NTM: variants seen among roughly 807,000 people sequenced by gnomAD.
NTM encodes neurotrimin, also known as IgLON family member 2.
A neutral mutation model predicts 42.1 loss-of-function variants in NTM; 13 were observed. The observed-to-expected ratio is 0.31, with a 90% CI of 0.20 to 0.49. The LOEUF is 0.49. Ranked by LOEUF, NTM falls within the 20% of genes least tolerant of loss-of-function variation. The pLI is 0.99. For synonymous variants in NTM, 187 were observed against 179.2 expected (o/e 1.04, Z -0.35); for missense variants, 373 against 452.8 (o/e 0.82, Z 1.60).
At chr11:131,572,084 A>G (rs951057949) in intron 1 of NTM, among the ~76,000 whole-genome samples, 5 of 152,206 alleles carry the variant, frequency 3.3e-5, no homozygotes, top group African/African-American at 1.2e-4. Context: ...CATGCACATC[A>G]GGTCAACCCA....
At chr11:131,499,513 A>C (rs2046462322) in intron 1 of NTM, among the ~76,000 whole-genome samples, 1 of 152,168 alleles carries the variant, frequency 6.6e-6, no homozygotes, top group African/African-American at 2.4e-5. Context: ...GCTTCTTTCC[A>C]ATCCACTTTC....
chr11:131,468,337 T>C (rs775468023), intron 1 of NTM, among the ~76,000 whole-genome samples: 2 of 152,208 alleles, frequency 1.3e-5, no homozygotes, highest in African/African-American at 2.4e-5. Context: ...ATGTGAATGG[T>C]TGAGGAATTA....
intron 2 of NTM, among the ~76,000 whole-genome samples, chr11:132,011,657 G>A (rs2072229906): frequency 6.6e-6 from 1 of 152,120 alleles, no homozygotes; most frequent in South Asian, 2.1e-4. Context: ...ACATTTTAAA[G>A]TTGAGAAAAC....
At chr11:131,900,567 C>G (rs2053000299) in intron 1 of NTM, among the ~76,000 whole-genome samples, 1 of 151,844 alleles carries the variant, frequency 6.6e-6, no homozygotes, top group Non-Finnish European at 1.5e-5. Flanking sequence ...TTGGGCCAGG[C>G]AAGGCAGTGG....
intron 4 of NTM, among the ~76,000 whole-genome samples, chr11:132,306,863 A>T (rs1229817991): frequency 1.3e-5 from 2 of 152,174 alleles, no homozygotes; most frequent in Non-Finnish European, 2.9e-5. Flanking sequence ...TCTAGCCTTA[A>T]ATATCTTGGT....
intron 1 of NTM, among the ~76,000 whole-genome samples, chr11:131,876,699 G>T (rs533058962): frequency 6.6e-6 from 1 of 152,274 alleles, no homozygotes; most frequent in South Asian, 2.1e-4. Flanking sequence ...AGCTGAGAGA[G>T]GCCAGGTTAT....
intron 2 of NTM, among the ~76,000 whole-genome samples, chr11:132,115,067 G>A (rs775833879): frequency 6.6e-6 from 1 of 152,172 alleles, no homozygotes; most frequent in Admixed American, 6.5e-5. Context: ...GACAAACACT[G>A]CATGATCTCA....
In NTM at chr11:132,317,000, C is replaced by T. The variant is rs141959110; in HGVS notation, c.934+2297C>T. On this transcript the variant is annotated intron_variant, in intron 7 of 8. Coordinates refer to ENST00000683400, the MANE Select transcript of NTM (RefSeq NM_001352005.2). Reference sequence around the variant, plus strand: ...AGGCAGCAAAATTATCATCATTTTGCCACCAACTTGTGCATAAACTGCACG... The same window carrying T: ...AGGCAGCAAAATTATCATCATTTTGTCACCAACTTGTGCATAAACTGCACG... 1.6e-3 allele frequency among the ~76,000 whole-genome samples: 246 copies of T among 152,270 alleles called. 4 individuals carry two copies. In the South Asian group the frequency reaches 0.029, roughly 18 times the overall value.
chr11:132,013,400 G>A (rs2072676744), intron 2 of NTM, among the ~76,000 whole-genome samples: 1 of 152,154 alleles, frequency 6.6e-6, no homozygotes. Context: ...AGCCTGACTG[G>A]AGTTGGTTGT....
chr11:132,306,651 G>A (rs1431110849), intron 4 of NTM, among the ~76,000 whole-genome samples: 1 of 152,198 alleles, frequency 6.6e-6, no homozygotes, highest in Admixed American at 6.5e-5. Flanking sequence ...CCTTATGCCT[G>A]TTGTCTGCTA....
chr11:132,211,921 C>T, intron 3 of NTM, 101 bp from the exon 4 acceptor site: 4 of 1,051,222 alleles, frequency 3.8e-6, no homozygotes, highest in Non-Finnish European at 2.6e-6. Flanking sequence ...TACTGTAGTC[C>T]ATATATTTTA....
chr11:131,812,316 G>A (rs1009128408), intron 1 of NTM, among the ~76,000 whole-genome samples: 4 of 151,932 alleles, frequency 2.6e-5, no homozygotes, highest in Non-Finnish European at 4.4e-5. Context: ...ATGAGGGTAC[G>A]GGGAATTGAG....
intron 2 of NTM, among the ~76,000 whole-genome samples, chr11:132,105,762 G>A (rs552739452): frequency 6.6e-6 from 1 of 152,318 alleles, no homozygotes; most frequent in East Asian, 1.9e-4. Context: ...TCATCATGCA[G>A]CCTTGCTGTC....
intron 1 of NTM, among the ~76,000 whole-genome samples, chr11:131,743,306 T>C (rs1203658486): frequency 6.6e-6 from 1 of 152,066 alleles, no homozygotes; most frequent in Non-Finnish European, 1.5e-5. Flanking sequence ...TGGTAGTTAT[T>C]TAAGAAATAA....
chr11:131,889,671 C>T (rs914656130), intron 1 of NTM, among the ~76,000 whole-genome samples: 6 of 152,040 alleles, frequency 3.9e-5, no homozygotes, highest in African/African-American at 1.2e-4. Context: ...TTGTCCTCAC[C>T]GCCTGTCACT....
chr11:131,965,642 C>T (rs1245731538), intron 2 of NTM, among the ~76,000 whole-genome samples: 2 of 152,120 alleles, frequency 1.3e-5, no homozygotes, highest in East Asian at 1.9e-4. Flanking sequence ...TGAGTAAGCT[C>T]GCTGATCAGT....
chr11:131,504,373 C>G (rs1269437180), intron 1 of NTM, among the ~76,000 whole-genome samples: 2 of 152,144 alleles, frequency 1.3e-5, no homozygotes, highest in Non-Finnish European at 2.9e-5. Flanking sequence ...CTCGGCTGCC[C>G]CCACCTGCCA....
At chr11:131,991,172 C>T (rs1023027484) in intron 2 of NTM, among the ~76,000 whole-genome samples, 1 of 152,054 alleles carries the variant, frequency 6.6e-6, no homozygotes, top group Non-Finnish European at 1.5e-5. Flanking sequence ...TGATAGATAG[C>T]CTTGAAATAG....
At chr11:131,420,426 A>G (rs1947384300) in intron 1 of NTM, among the ~76,000 whole-genome samples, 1 of 152,216 alleles carries the variant, frequency 6.6e-6, no homozygotes, top group Non-Finnish European at 1.5e-5. Context: ...TAGCCTAGGA[A>G]GACTGCTTTG....
Sources: allele counts gnomAD v4.1 joint callset (sites outside exome capture counted in the v4.1 genomes callset), GRCh38; gene constraint gnomAD v4.1.1; transcripts MANE v1.5; gene names NCBI Gene and HGNC (gene_info 2026-07-23, HGNC 2026-07-21).